VCL: variants seen among roughly 807,000 people sequenced by gnomAD.
VCL encodes the protein vinculin, also known as epididymis luminal protein 114.
VCL carries 47 observed loss-of-function variants against 125.7 expected under a neutral mutation model. The ratio of observed to expected loss-of-function variants is 0.37; its 90% CI spans 0.30 to 0.48. The LOEUF is 0.48. Ranked by LOEUF, VCL falls within the 20% of genes least tolerant of loss-of-function variation. VCL has a pLI of 0.99. For missense variants in VCL, 1,069 were observed against 1,455.5 expected, an observed-to-expected ratio of 0.73 and a Z score of 4.32; for synonymous variants, 458 against 514.6, an observed-to-expected ratio of 0.89 and a Z score of 1.49.
intron 2 of VCL, among the ~76,000 whole-genome samples, chr10:74,055,356 A>C (rs553048907): frequency 1.3e-5 from 2 of 151,932 alleles, no homozygotes; most frequent in East Asian, 3.9e-4. Context: ...ATTTTATATA[A>C]TTTTTTGAGA....
intron 15 of VCL, 59 bp from the exon 16 acceptor site, chr10:74,104,992 G>A (rs1168851442): frequency 6.3e-7 from 1 of 1,581,562 alleles, no homozygotes; most frequent in Non-Finnish European, 8.6e-7. Context: ...GGATAACAGT[G>A]TTTTGGAGTT....
At position 74,089,292 on chromosome 10, in the gene VCL, G is replaced by A. The variant is rs1374985438; in HGVS notation, c.1119G>A (p.Lys373=). Reference sequence around the variant, plus strand: ...CAAAAGTGGAAAATGCAGCTCGCAAGCTGGAAGCCATGACCAACTCAAAGC... The same window carrying A: ...CAAAAGTGGAAAATGCAGCTCGCAAACTGGAAGCCATGACCAACTCAAAGC... ...LTAKVENAAR[K]LEAMTNSKQS... The change falls in exon 9 of 22, where the codon AAG becomes AAA. Residue 373 remains lysine (K), a synonymous_variant. Coordinates refer to ENST00000211998, the MANE Select transcript of VCL (RefSeq NM_014000.3). 1 of 1,614,182 alleles carries A rather than the reference G, an allele frequency of 6.2e-7. No homozygotes were observed. Among genetic ancestry groups the A allele is most frequent in the South Asian group, 1.1e-5 (1 of 91,078 alleles).
chr10:74,036,717 G>T (rs896788887), intron 1 of VCL, among the ~76,000 whole-genome samples: 1 of 150,592 alleles, frequency 6.6e-6, no homozygotes, highest in African/African-American at 2.4e-5. Context: ...AAAAAAAAAA[G>T]TAAAAAAGAA....
intron 1 of VCL, among the ~76,000 whole-genome samples, chr10:74,038,649 A>C (rs1841032210): frequency 6.6e-6 from 1 of 152,214 alleles, no homozygotes; most frequent in Non-Finnish European, 1.5e-5. Context: ...CCTTGAATAT[A>C]TTTTTAATTA....
At chr10:74,060,669 A>AG (rs939271046) in intron 2 of VCL, among the ~76,000 whole-genome samples, 3 of 150,716 alleles carry the variant, frequency 2.0e-5, no homozygotes, top group African/African-American at 7.3e-5. Flanking sequence ...AAAAAAAAAA[A>AG]AAAGAAAAAG....
rs771337725 is a variant in VCL, at chr10:74,109,108, G to T, written c.2697G>T (p.Met899Ile). 6.2e-7 allele frequency: 1 copy of T among 1,614,158 alleles called. No homozygotes were observed. Among genetic ancestry groups the T allele is most frequent in the Admixed American group, 1.7e-5 (1 of 60,016 alleles). The change falls in exon 18 of 22, where the codon ATG becomes ATT. Residue 899 changes from methionine to isoleucine, a missense_variant. By Grantham distance (10) the Met-to-Ile change is conservative. Transcript: ENST00000211998. Reference sequence around the variant, plus strand: ...GGGAGGTGATTAACCAGCCAATGATGATGGCTGCCAGACAGCTCCATGATG... The same window carrying T: ...GGGAGGTGATTAACCAGCCAATGATTATGGCTGCCAGACAGCTCCATGATG... ...KAGEVINQPM[M>I]MAARQLHDEA...
At chr10:74,095,960 G>A in intron 12 of VCL, 105 bp downstream of exon 12, 1 of 1,381,608 alleles carries the variant, frequency 7.2e-7, no homozygotes, top group Non-Finnish European at 9.9e-7. Context: ...CTGGGGTCTA[G>A]GGAAAATGAA....
At chr10:74,001,867 G>A (rs1032947725) in intron 1 of VCL, among the ~76,000 whole-genome samples, 4 of 152,052 alleles carry the variant, frequency 2.6e-5, no homozygotes, top group Non-Finnish European at 4.4e-5. Flanking sequence ...ATTTACATAC[G>A]TATGCCAAAT....
intron 14 of VCL, 130 bp from the exon 15 acceptor site, chr10:74,103,690 C>T: frequency 4.8e-6 from 4 of 828,536 alleles, no homozygotes; most frequent in Admixed American, 1.9e-5. Flanking sequence ...ATGTATTCAG[C>T]CTGAAAAGAG....
At chr10:74,098,930 T>C (rs1312772527) in intron 13 of VCL, among the ~76,000 whole-genome samples, 1 of 152,218 alleles carries the variant, frequency 6.6e-6, no homozygotes, top group Non-Finnish European at 1.5e-5. Context: ...CTCTCAGAAA[T>C]TTGTGAGTTG....
intron 1 of VCL, among the ~76,000 whole-genome samples, chr10:74,008,702 G>A (rs1840363130): frequency 6.6e-6 from 1 of 152,220 alleles, no homozygotes. Flanking sequence ...GGTTCCGACA[G>A]CGGGGTGTAT....
At position 74,067,922 on chromosome 10, in the gene VCL, C is replaced by T. The variant is rs7084492; in HGVS notation, c.240-2748C>T. The stretch of plus-strand genomic sequence containing the variant: ...TGGCACTAGAGAGAGGCAGTGGTTG[C>T]ACAACACTGTGAATACACTAAATGC... On this transcript the variant is annotated intron_variant, in intron 2 of 21. Coordinates refer to ENST00000211998, the MANE Select transcript of VCL (RefSeq NM_014000.3). Among the ~76,000 whole-genome samples, 547 of 152,296 alleles carry T rather than the reference C, an allele frequency of 3.6e-3. 6 individuals carry two copies. Among genetic ancestry groups the T allele is most frequent in the African/African-American group, 0.012 (517 of 41,546 alleles).
chr10:74,041,447 G>T lies in VCL; in HGVS notation c.169-1636G>T, dbSNP rs1333168259. Among the ~76,000 whole-genome samples, 3 of 152,118 alleles carry T rather than the reference G, an allele frequency of 2.0e-5. No homozygotes were observed. In the East Asian group the frequency reaches 5.8e-4, roughly 29 times the overall value. ...ATAATTTTGAAGAAAGTGAATATGT[G>T]TATGATTAGTGGTATAATACACACA... is the stretch of plus-strand genomic sequence containing the variant. On this transcript the variant is annotated intron_variant, in intron 1 of 21. Transcript: ENST00000211998.
intron 2 of VCL, among the ~76,000 whole-genome samples, chr10:74,045,005 C>G (rs1021183687): frequency 3.3e-5 from 5 of 151,768 alleles, no homozygotes; most frequent in Admixed American, 6.6e-5. Flanking sequence ...ATGGTGAAAA[C>G]TCATCTCTAC....
At chr10:74,056,604 C>T (rs1040738094) in intron 2 of VCL, among the ~76,000 whole-genome samples, 5 of 152,084 alleles carry the variant, frequency 3.3e-5, no homozygotes, top group Non-Finnish European at 7.3e-5. Context: ...AGTGTACACC[C>T]GTGTGAGTTG....
At chr10:74,002,822 C>T (rs1211185158) in intron 1 of VCL, among the ~76,000 whole-genome samples, 1 of 147,590 alleles carries the variant, frequency 6.8e-6, no homozygotes, top group Non-Finnish European at 1.5e-5. Flanking sequence ...GTGGAGGTTG[C>T]ACTGAGCTGA....
chr10:74,102,185 C>T (rs1043797020), intron 14 of VCL, among the ~76,000 whole-genome samples: 1 of 150,890 alleles, frequency 6.6e-6, no homozygotes, highest in African/African-American at 2.4e-5. Flanking sequence ...TAAGAGGCTA[C>T]TTTGTTTTGA....
At chr10:74,077,447 T>C (rs1908337) in intron 6 of VCL, 118,213 of 178,020 alleles carry the variant, frequency 0.66, 40,696 homozygotes, top group African/African-American at 0.81. Context: ...CTATTGGTTA[T>C]CAAAATAGAA....
chr10:74,009,480 C>T (rs939019676), intron 1 of VCL, among the ~76,000 whole-genome samples: 9 of 151,450 alleles, frequency 5.9e-5, no homozygotes, highest in Admixed American at 5.3e-4. Flanking sequence ...AGGATGGTCT[C>T]GATCTGCTGA....
Sources: gnomAD v4.1 joint callset for allele counts (sites outside exome capture counted in the v4.1 genomes callset) on GRCh38, gnomAD v4.1.1 for gene constraint, MANE v1.5 for transcripts, NCBI Gene and HGNC (gene_info 2026-07-23, HGNC 2026-07-21) for gene names.